Variants in TICAM2 observed in about 807,000 individuals in gnomAD.
TICAM2 encodes the protein TIR domain-containing adapter molecule 2.
TICAM2 carries 8 observed loss-of-function variants against 7.3 expected under a neutral mutation model. That is an observed-to-expected ratio of 1.10 (90% CI 0.65 to 1.99). The LOEUF (loss-of-function observed/expected upper bound fraction) is 1.99. Among genes scored for constraint, TICAM2 ranks in the 30% most tolerant of loss-of-function variants. The probability of loss-of-function intolerance (pLI) is 0.00; values close to 1 mark genes in which losing one functional copy is unlikely to be tolerated. For synonymous variants in TICAM2, 113 were observed against 99.6 expected (o/e 1.13, Z -0.80); for missense variants, 304 against 278.8 (o/e 1.09, Z -0.65).
At position 115,579,943 on chromosome 5, in the gene TICAM2, A is replaced by G. The variant is rs1414198461; in HGVS notation, c.*606T>C. 6.6e-6 allele frequency: 1 copy of G among 152,208 alleles called. No individual in the cohort carries two copies. Among genetic ancestry groups the G allele is most frequent in the Non-Finnish European group, 1.5e-5 (1 of 68,056 alleles). 9.4% of individuals were successfully genotyped at this position (152,208 alleles called of 1,614,324 possible). A position where few individuals can be genotyped will look rare whatever the true frequency, so the allele number is the denominator to read the frequency against. ...AAATGGGCTGTGAATCGGTGGTGGG[A>G]AATGCCTCCAAATATGCAGATTTCA... On this transcript the variant is annotated 3_prime_UTR_variant, in exon 2 of 2. Coordinates refer to ENST00000427199, the MANE Select transcript of TICAM2 (RefSeq NM_021649.7).
intron 1 of TICAM2, among the ~76,000 whole-genome samples, chr5:115,589,224 T>C (rs930806160): frequency 2.0e-5 from 3 of 152,218 alleles, no homozygotes; most frequent in Non-Finnish European, 4.4e-5. Flanking sequence ...TATTTACTCC[T>C]TGGCCCTTCA....
At position 115,581,050 on chromosome 5, in the gene TICAM2, A is replaced by C. The variant is rs1456259188; in HGVS notation, c.207T>G (p.Phe69Leu). 1 of 1,614,154 alleles carries C rather than the reference A, an allele frequency of 6.2e-7. No individual in the cohort carries two copies. Among genetic ancestry groups the C allele is most frequent in the Non-Finnish European group, 8.5e-7 (1 of 1,180,028 alleles). The change falls in exon 2 of 2, where the codon TTT (phenylalanine) becomes TTG (leucine). Residue 69 changes from phenylalanine to leucine, a missense_variant. Phe to Leu is a conservative substitution (Grantham distance 22). Transcript: ENST00000427199. The stretch of plus-strand genomic sequence containing the variant: ...ACACCTCTTCTTCAGCTTCTTCTTC[A>C]AACATCTCTTCCACGCTCTGAGCTC... ...QEGAQSVEEM[F>L]EEEAEEEVFL...
intron 1 of TICAM2, among the ~76,000 whole-genome samples, chr5:115,593,718 T>C (rs1755400430): frequency 6.6e-6 from 1 of 152,190 alleles, no homozygotes; most frequent in Non-Finnish European, 1.5e-5. Context: ...GAATAGTCAA[T>C]ACACTTGGAA....
At chr5:115,592,250 T>C (rs1257490011) in intron 1 of TICAM2, among the ~76,000 whole-genome samples, 1 of 152,216 alleles carries the variant, frequency 6.6e-6, no homozygotes, top group Non-Finnish European at 1.5e-5. Context: ...TGACCAATCA[T>C]ATATAAACGC....
chr5:115,597,556 C>T (rs768902303), intron 1 of TICAM2, among the ~76,000 whole-genome samples: 8 of 151,844 alleles, frequency 5.3e-5, no homozygotes, highest in Non-Finnish European at 1.0e-4. Flanking sequence ...TCTCATGACA[C>T]GAAAATGAAA....
chr5:115,586,826 A>T (rs1202895537), intron 1 of TICAM2, among the ~76,000 whole-genome samples: 2 of 152,218 alleles, frequency 1.3e-5, no homozygotes, highest in East Asian at 3.8e-4. Context: ...CTGCAGCAAA[A>T]CATGCTAGGT....
chr5:115,594,574 G>C (rs2127203308), intron 1 of TICAM2, among the ~76,000 whole-genome samples: 1 of 152,294 alleles, frequency 6.6e-6, no homozygotes, highest in East Asian at 1.9e-4. Context: ...CAGTCTGAAT[G>C]GCAGCTTGAC....
chr5:115,582,496 A>C (rs1754965694), intron 1 of TICAM2, among the ~76,000 whole-genome samples: 3 of 152,100 alleles, frequency 2.0e-5, no homozygotes, highest in Admixed American at 2.0e-4. Context: ...TTATTTAAAA[A>C]AATTCTAAAT....
At position 115,580,681 on chromosome 5, in the gene TICAM2, G is replaced by A. The variant is rs764792616; in HGVS notation, c.576C>T (p.Ile192=). Residue 192 remains isoleucine, a synonymous_variant, in exon 2 of 2, where the codon ATC becomes ATT. Coordinates refer to ENST00000427199, the MANE Select transcript of TICAM2 (RefSeq NM_021649.7). ...CACGACTTTCTTCCTCTAAGGCATT[G>A]ATGGTTTGGAGGGCAAAGGGAGTCC... The part of the protein sequence containing the change: ...RERTPFALQT[I]NALEEESRGF... The A allele has an allele frequency of 2.5e-6, 4 of 1,591,620 alleles. No homozygotes were observed. Among genetic ancestry groups the A allele is most frequent in the Non-Finnish European group, 3.4e-6 (4 of 1,171,940 alleles).
At chr5:115,590,557 T>G (rs1422030042) in intron 1 of TICAM2, among the ~76,000 whole-genome samples, 2 of 152,232 alleles carry the variant, frequency 1.3e-5, no homozygotes, top group Admixed American at 6.5e-5. Context: ...GGGGATACAT[T>G]GTATTAAAAA....
Position 115,580,454 on chromosome 5 carries a change from T to C in TICAM2, c.*95A>G. The C allele has an allele frequency of 7.2e-7, 1 of 1,392,540 alleles. No homozygotes were observed. 86.3% of individuals were successfully genotyped at this position (1,392,540 alleles called of 1,614,324 possible). A position where few individuals can be genotyped will look rare whatever the true frequency, so the allele number is the denominator to read the frequency against. On this transcript the variant is annotated 3_prime_UTR_variant, in exon 2 of 2. Coordinates refer to ENST00000427199, the MANE Select transcript of TICAM2 (RefSeq NM_021649.7). ...AGGTTTCTTTAAGGTGAAGACTCTC[T>C]TTTATTTAAACATTTCCTAGAAACT... is the stretch of plus-strand genomic sequence containing the variant.
intron 1 of TICAM2, among the ~76,000 whole-genome samples, chr5:115,594,459 G>T (rs1193886489): frequency 1.3e-5 from 2 of 152,068 alleles, no homozygotes; most frequent in Non-Finnish European, 2.9e-5. Flanking sequence ...CCAAATAGCA[G>T]AGTTATACAT....
chr5:115,583,993 TTAAAA>T (rs1755018549), intron 1 of TICAM2, among the ~76,000 whole-genome samples: 1 of 152,182 alleles, frequency 6.6e-6, no homozygotes, highest in South Asian at 2.1e-4. Context: ...TTCATAAAAA[TTAAAA>T]TGTGTATGTA....
In TICAM2 at chr5:115,581,035, T is replaced by C. The variant is rs1218249224; in HGVS notation, c.222A>G (p.Glu74=). The C allele has an allele frequency of 1.9e-6, 3 of 1,614,128 alleles. No homozygotes were observed. Among genetic ancestry groups the C allele is most frequent in the African/African-American group, 1.3e-5 (1 of 74,948 alleles). The change falls in exon 2 of 2, where the codon GAA becomes GAG. Residue 74 remains glutamate, a synonymous_variant. Transcript: ENST00000427199. ...SVEEMFEEEA[E]EEVFLKFVIL... is the part of the protein sequence containing the mutation. ...TCACAAATTTGAGGAACACCTCTTC[T>C]TCAGCTTCTTCTTCAAACATCTCTT...
At chr5:115,585,903 T>C (rs1461991901) in intron 1 of TICAM2, among the ~76,000 whole-genome samples, 1 of 152,074 alleles carries the variant, frequency 6.6e-6, no homozygotes, top group Non-Finnish European at 1.5e-5. Context: ...AGAAACCCAA[T>C]AGTAAAATGA....
intron 1 of TICAM2, among the ~76,000 whole-genome samples, chr5:115,596,480 C>T (rs1462081439): frequency 6.6e-6 from 1 of 152,184 alleles, no homozygotes; most frequent in Non-Finnish European, 1.5e-5. Context: ...GCACATGGGT[C>T]TTTATGGGTC....
intron 1 of TICAM2, among the ~76,000 whole-genome samples, chr5:115,595,360 C>T (rs1396903331): frequency 1.3e-5 from 2 of 152,206 alleles, no homozygotes; most frequent in Non-Finnish European, 2.9e-5. Context: ...CACAACTCCA[C>T]CCACTAAACT....
At chr5:115,582,321 A>G (rs906215395) in intron 1 of TICAM2, among the ~76,000 whole-genome samples, 3 of 146,826 alleles carry the variant, frequency 2.0e-5, no homozygotes, top group Non-Finnish European at 4.5e-5. Flanking sequence ...ACACCTGGCT[A>G]ATTTTTTTTT....
intron 1 of TICAM2, among the ~76,000 whole-genome samples, chr5:115,583,904 A>T (rs1398564654): frequency 6.6e-6 from 1 of 152,258 alleles, no homozygotes; most frequent in Non-Finnish European, 1.5e-5. Context: ...GGCTTAAAAA[A>T]TTTAGGTTTC....
Sources: allele counts gnomAD v4.1 joint callset (sites outside exome capture counted in the v4.1 genomes callset), GRCh38; gene constraint gnomAD v4.1.1; transcripts MANE v1.5; gene names NCBI Gene and HGNC (gene_info 2026-07-23, HGNC 2026-07-21).